TRIO: variants seen among roughly 807,000 people sequenced by gnomAD.
TRIO encodes triple functional domain protein.
In TRIO, 58 loss-of-function variants were observed where a neutral mutation model predicts 351.9. The ratio of observed to expected loss-of-function variants is 0.16; its 90% CI spans 0.13 to 0.21. The LOEUF (loss-of-function observed/expected upper bound fraction) is 0.21. TRIO is among the 10% of genes least tolerant of loss of function. The pLI, the probability that TRIO is intolerant of heterozygous loss-of-function variation, is 1.00. For synonymous variants in TRIO, 1,758 were observed against 1,595.7 expected (o/e 1.10, Z -2.42); for missense variants, 3,201 against 4,027.8 (o/e 0.79, Z 5.56).
intron 1 of TRIO, among the ~76,000 whole-genome samples, chr5:14,246,928 C>G (rs1181201874): frequency 6.6e-6 from 1 of 152,238 alleles, no homozygotes; most frequent in Non-Finnish European, 1.5e-5. Flanking sequence ...GGAGGTGCTC[C>G]CCTCTCCACC....
intron 9 of TRIO, among the ~76,000 whole-genome samples, chr5:14,324,710 T>C (rs1035162241): frequency 1.3e-5 from 2 of 152,210 alleles, no homozygotes; most frequent in Non-Finnish European, 2.9e-5. Context: ...ATAGAAATAA[T>C]GATTAAAGTC....
chr5:14,233,316 TAAA>T (rs35925373), intron 1 of TRIO, among the ~76,000 whole-genome samples: 9 of 109,208 alleles, frequency 8.2e-5, no homozygotes, highest in South Asian at 3.3e-4. Flanking sequence ...CCTCGTCTCT[TAAA>T]AAAAAAAAAA....
Position 14,414,688 on chromosome 5 carries a change from T to G in TRIO, c.4960-5090T>G, listed in dbSNP as rs73061652. 3.5e-3 allele frequency among the ~76,000 whole-genome samples: 536 copies of G among 152,386 alleles called. 2 individuals carry two copies. Among genetic ancestry groups the G allele is most frequent in the African/African-American group, 0.012 (503 of 41,600 alleles). ...CCATTTTTATGTCCTCACAGGTTTC[T>G]TTCTGTACCCCTAGTGTATCGGAGC... is the stretch of plus-strand genomic sequence containing the variant. On this transcript the variant is annotated intron_variant, in intron 33 of 56. Transcript: ENST00000344204.
At chr5:14,326,241 A>T (rs1410525245) in intron 9 of TRIO, among the ~76,000 whole-genome samples, 2 of 152,240 alleles carry the variant, frequency 1.3e-5, no homozygotes, top group Non-Finnish European at 2.9e-5. Context: ...AGGTGCTCAG[A>T]TGGCGAGATG....
chr5:14,175,604 A>G (rs79340725), intron 1 of TRIO, among the ~76,000 whole-genome samples: 1 of 152,224 alleles, frequency 6.6e-6, no homozygotes, highest in African/African-American at 2.4e-5. Flanking sequence ...TGTGTTTCTC[A>G]ATGTTAGAAA....
rs560964193 is a variant in TRIO at position 14,163,938 on chromosome 5, C to CA, written c.157+20056_157+20057insA. ...ACAGTAGGAAATTAAGTAAGTTTTC[C>CA]GATCTCCAGATAATTCCTGAGTTGC... On this transcript the variant is annotated intron_variant, in intron 1 of 56. Transcript: ENST00000344204. Among the ~76,000 whole-genome samples, 95 of 152,268 alleles carry CA rather than the reference C, an allele frequency of 6.2e-4. No individual in the cohort carries two copies. In the Middle Eastern group the frequency reaches 0.01, roughly 16 times the overall value.
At chr5:14,343,392 T>G (rs1023884224) in intron 11 of TRIO, among the ~76,000 whole-genome samples, 1 of 152,234 alleles carries the variant, frequency 6.6e-6, no homozygotes, top group African/African-American at 2.4e-5. Context: ...TGCACTGGCT[T>G]CCTTCAGTGA....
intron 34 of TRIO, among the ~76,000 whole-genome samples, chr5:14,423,355 C>A (rs146158156): frequency 6.6e-6 from 1 of 152,192 alleles, no homozygotes; most frequent in Admixed American, 6.5e-5. Context: ...CTGTTGAAAT[C>A]GGTGTCACGT....
chr5:14,486,253 C>G (rs1394247169), intron 47 of TRIO, among the ~76,000 whole-genome samples: 1 of 152,238 alleles, frequency 6.6e-6, no homozygotes, highest in Admixed American at 6.5e-5. Context: ...CGGTCTGCAT[C>G]TATGCCTGCT....
chr5:14,343,923 C>A (rs1579378783), intron 11 of TRIO, among the ~76,000 whole-genome samples: 1 of 152,186 alleles, frequency 6.6e-6, no homozygotes, highest in African/African-American at 2.4e-5. Flanking sequence ...CAGCATCTTA[C>A]AAGTCCAGGA....
Position 14,497,086 on chromosome 5 carries a change from C to T in TRIO, c.8019+69C>T. On this transcript the variant is annotated intron_variant, in intron 50 of 56. Transcript: ENST00000344204. The surrounding 1 kb of genome is among the most constrained non-coding windows in gnomAD (Gnocchi z 4.4). ...GAGAAAGGATCAGGGAGGGCAGAGA[C>T]TCTGCAGACCTGAAGCTGGGCTTGC... 2 of 1,574,394 alleles carry T rather than the reference C, an allele frequency of 1.3e-6. No individual in the cohort carries two copies. The highest frequency in any genetic ancestry group is 1.7e-6 in the Non-Finnish European group (2 of 1,159,680).
intron 44 of TRIO, 42 bp downstream of exon 44, chr5:14,481,326 C>G: frequency 6.2e-7 from 1 of 1,607,600 alleles, no homozygotes; most frequent in African/African-American, 1.3e-5. Flanking sequence ...TCCCCACCAG[C>G]CTCTTTTCCT....
intron 11 of TRIO, among the ~76,000 whole-genome samples, chr5:14,342,014 T>C (rs1024385075): frequency 3.9e-5 from 6 of 152,240 alleles, no homozygotes; most frequent in Non-Finnish European, 8.8e-5. Flanking sequence ...TGGAGATGTT[T>C]TGTTGCAGAC....
At chr5:14,307,264 C>CA (rs1738455059) in intron 8 of TRIO, among the ~76,000 whole-genome samples, 1 of 152,194 alleles carries the variant, frequency 6.6e-6, no homozygotes, top group South Asian at 2.1e-4. Flanking sequence ...ACATGACCAT[C>CA]ATCTCCACAG....
intron 10 of TRIO, among the ~76,000 whole-genome samples, chr5:14,334,683 A>G (rs1741229571): frequency 6.6e-6 from 1 of 152,246 alleles, no homozygotes; most frequent in South Asian, 2.1e-4. Flanking sequence ...TTCATTCAGC[A>G]TGGAGGCCCC....
chr5:14,338,907 G>A (rs553175023), intron 11 of TRIO, among the ~76,000 whole-genome samples: 178 of 152,294 alleles, frequency 1.2e-3, no homozygotes, highest in African/African-American at 4.1e-3. Context: ...TTCTATAGCA[G>A]CTTAGCAGTC....
At chr5:14,295,366 G>A (rs368533036) in intron 6 of TRIO, among the ~76,000 whole-genome samples, 7 of 152,310 alleles carry the variant, frequency 4.6e-5, no homozygotes, top group African/African-American at 1.2e-4. Flanking sequence ...TGATGTCCAG[G>A]CTGTAGATTT....
rs556838371 is a variant in TRIO at position 14,485,003 on chromosome 5, G to A, written c.6658-66G>A. The A allele has an allele frequency of 4.8e-6, 7 of 1,445,196 alleles. No homozygotes were observed. The South Asian group carries it at 1.1e-4, about 23-fold the overall frequency. The allele number at this position is 1,445,196 out of a possible 1,614,324, so 89.5% of individuals were successfully genotyped here. On this transcript the variant is annotated intron_variant, in intron 46 of 56. Transcript: ENST00000344204. The stretch of plus-strand genomic sequence containing the variant: ...ATTTTCTTTGTCCATTCATCGGTCA[G>A]TGGACACATGGTTTGCTTCCTTTCC...
At chr5:14,418,054 A>G (rs1749786519) in intron 33 of TRIO, among the ~76,000 whole-genome samples, 1 of 152,168 alleles carries the variant, frequency 6.6e-6, no homozygotes, top group African/African-American at 2.4e-5. Context: ...GAAGGCAGAC[A>G]CACACACGTG....
Sources: gnomAD v4.1 joint callset for allele counts (sites outside exome capture counted in the v4.1 genomes callset) on GRCh38, gnomAD v4.1.1 for gene constraint, Gnocchi (gnomAD v3.1) non-coding constraint, MANE v1.5 for transcripts, NCBI Gene and HGNC (gene_info 2026-07-23, HGNC 2026-07-21) for gene names.